Variants in NCBP3 observed in about 807,000 individuals in gnomAD.
NCBP3 encodes the protein nuclear cap binding subunit 3.
NCBP3 carries 20 observed loss-of-function variants against 75.7 expected under a neutral mutation model. The observed-to-expected ratio is 0.26, with a 90% CI of 0.19 to 0.38. The LOEUF (loss-of-function observed/expected upper bound fraction) is 0.38. NCBP3 is among the 10% of genes least tolerant of loss of function. The probability of loss-of-function intolerance (pLI) is 1.00; values close to 1 mark genes in which losing one functional copy is unlikely to be tolerated. For missense variants in NCBP3, 678 were observed against 796.9 expected (o/e 0.85, Z 1.80); for synonymous variants, 293 against 290.5 (o/e 1.01, Z -0.09).
At chr17:3,837,866 C>T (rs2054001962) in intron 3 of NCBP3, among the ~76,000 whole-genome samples, 1 of 152,056 alleles carries the variant, frequency 6.6e-6, no homozygotes, top group Admixed American at 6.5e-5. Flanking sequence ...GGCCATGCTG[C>T]CTCCTGGACA....
intron 7 of NCBP3, chr17:3,823,987 A>G (rs2053721945): frequency 6.6e-6 from 1 of 152,190 alleles, no homozygotes; most frequent in Non-Finnish European, 1.5e-5. Context: ...TAGTAAACCT[A>G]TATTCTTGGA....
rs1215732677 is a variant in NCBP3, at chr17:3,814,450, G to A, written c.1499C>T (p.Ser500Phe). The change falls in exon 12 of 13, where the codon TCT becomes TTT. Residue 500 changes from serine to phenylalanine, a missense_variant. Coordinates refer to ENST00000389005, the MANE Select transcript of NCBP3 (RefSeq NM_001114118.3). Reference protein sequence around the residue: ...IRQRLGKRPHSPEKAFSSNPV... With the variant: ...IRQRLGKRPHFPEKAFSSNPV... Reference sequence around the variant, plus strand: ...GTTACTACTAAAAGCCTTTTCCGGAGAATGTGGTCTTTTTCCTAACCGCTG... The same window carrying A: ...GTTACTACTAAAAGCCTTTTCCGGAAAATGTGGTCTTTTTCCTAACCGCTG... The A allele has an allele frequency of 1.9e-6, 3 of 1,614,232 alleles. No homozygotes were observed.
chr17:3,833,575 G>A (rs1459672286), intron 3 of NCBP3, among the ~76,000 whole-genome samples: 5 of 152,014 alleles, frequency 3.3e-5, no homozygotes, highest in Non-Finnish European at 5.9e-5. Context: ...GGGAGGCCGA[G>A]ATGAGAGGAT....
intron 12 of NCBP3, 55 bp downstream of exon 12, chr17:3,814,255 TCCAATACACCCA>T: frequency 1.3e-6 from 2 of 1,513,676 alleles, no homozygotes; most frequent in African/African-American, 2.8e-5. Flanking sequence ...AAAGTATTTC[TCCAATACACCCA>T]CTGTCCTCTG....
At chr17:3,813,663 T>C (rs111544956) in intron 12 of NCBP3, among the ~76,000 whole-genome samples, 166 of 152,366 alleles carry the variant, frequency 1.1e-3, no homozygotes, top group African/African-American at 3.6e-3. Flanking sequence ...ATTTTTGAAA[T>C]ATATTTTATG....
intron 2 of NCBP3, among the ~76,000 whole-genome samples, chr17:3,841,600 CTCT>C (rs1477368330): frequency 1.5e-5 from 2 of 137,840 alleles, no homozygotes; most frequent in Non-Finnish European, 3.1e-5. Context: ...CCAATTCTCT[CTCT>C]TTTTTTTTTT....
At chr17:3,834,130 G>A (rs997273450) in intron 3 of NCBP3, among the ~76,000 whole-genome samples, 5 of 152,140 alleles carry the variant, frequency 3.3e-5, no homozygotes, top group Non-Finnish European at 7.4e-5. Flanking sequence ...CGAATTTTAG[G>A]TGAGCACAAC....
At chr17:3,815,646 A>G (rs560972404) in intron 11 of NCBP3, among the ~76,000 whole-genome samples, 2 of 152,240 alleles carry the variant, frequency 1.3e-5, no homozygotes, top group South Asian at 4.1e-4. Context: ...ATACATGTGG[A>G]AAAAAAGTAA....
rs565860384 is a variant in NCBP3, at chr17:3,831,551, G to A, written c.356-2183C>T. Reference sequence around the variant, plus strand: ...TCGCGCCACTGCACTCCAGCCTAGCGACGGAGCAAGACTCTGTCTCAAAAA... The same window carrying A: ...TCGCGCCACTGCACTCCAGCCTAGCAACGGAGCAAGACTCTGTCTCAAAAA... On this transcript the variant is annotated intron_variant, in intron 3 of 12. Coordinates refer to ENST00000389005, the MANE Select transcript of NCBP3 (RefSeq NM_001114118.3). 3.0e-4 allele frequency among the ~76,000 whole-genome samples: 23 copies of A among 76,834 alleles called. 3 individuals carry two copies. The highest frequency in any genetic ancestry group is 3.8e-4 in the African/African-American group (13 of 34,480). The allele number at this position is 76,834 out of a possible 152,430, so 50.4% of individuals were successfully genotyped here. A position where few individuals can be genotyped will look rare whatever the true frequency, so the allele number is the denominator to read the frequency against.
At chr17:3,831,370 G>A (rs1271414684) in intron 3 of NCBP3, among the ~76,000 whole-genome samples, 2 of 151,440 alleles carry the variant, frequency 1.3e-5, no homozygotes, top group Admixed American at 6.6e-5. Context: ...TCAAGAGGTC[G>A]AGACCATCTG....
chr17:3,813,814 C>T (rs1193934787), intron 12 of NCBP3, among the ~76,000 whole-genome samples: 2 of 152,204 alleles, frequency 1.3e-5, no homozygotes, highest in East Asian at 3.9e-4. Context: ...CAGGCGCCCA[C>T]CACCACGCCC....
At chr17:3,832,399 C>G (rs1247843100) in intron 3 of NCBP3, among the ~76,000 whole-genome samples, 4 of 118,210 alleles carry the variant, frequency 3.4e-5, no homozygotes, top group Admixed American at 1.7e-4. Context: ...TTTGGGAGGC[C>G]GGGGCGGGCA....
chr17:3,826,331 T>A, intron 4 of NCBP3, 116 bp from the exon 5 acceptor site: 1 of 1,008,732 alleles, frequency 9.9e-7, no homozygotes, highest in Non-Finnish European at 1.4e-6. Context: ...TTATCATCAG[T>A]AAATATACAA....
Position 3,818,266 on chromosome 17 carries a change from A to G in NCBP3, c.1307T>C (p.Ile436Thr). The G allele has an allele frequency of 1.3e-6, 2 of 1,575,560 alleles. No homozygotes were observed. The highest frequency in any genetic ancestry group is 2.3e-5 in the South Asian group (2 of 85,610). Reference sequence around the variant, plus strand: ...CTTTGATAAAACAAATTTTTACCTAATATTTTTCAACTGAGATTCCACTTC... The same window carrying G: ...CTTTGATAAAACAAATTTTTACCTAGTATTTTTCAACTGAGATTCCACTTC... ...ADEVESQLKN[I>T]RNSMRADSVS... Residue 436 changes from isoleucine to threonine, a missense_variant, in exon 10 of 13, where the codon ATT (isoleucine) becomes ACT (threonine). By Grantham distance (89) the Ile-to-Thr change is moderately conservative. Transcript: ENST00000389005. This position sits in a 1 kb window ranked among gnomAD's most constrained non-coding sequence, Gnocchi z 4.7.
chr17:3,812,540 C>T lies in NCBP3; in HGVS notation c.*504G>A. ...CTGAGGTCAGGTCCGTGAGATTCGC[C>T]CCACACTAGGGTCCCGGAAGGGTGA... On this transcript the variant is annotated 3_prime_UTR_variant, in exon 13 of 13. Transcript: ENST00000389005. 1 of 1,002,170 alleles carries T rather than the reference C, an allele frequency of 1.0e-6. No homozygotes were observed. Among genetic ancestry groups the T allele is most frequent in the Non-Finnish European group, 1.2e-6 (1 of 839,786 alleles). 62.1% of individuals were successfully genotyped at this position (1,002,170 alleles called of 1,614,324 possible).
chr17:3,825,453 TAAC>T (rs2143671176), intron 6 of NCBP3, among the ~76,000 whole-genome samples: 1 of 152,370 alleles, frequency 6.6e-6, no homozygotes, highest in Admixed American at 6.5e-5. Flanking sequence ...TTAATATTTT[TAAC>T]AACAGTACAT....
At chr17:3,841,806 C>G (rs1196259726) in intron 2 of NCBP3, among the ~76,000 whole-genome samples, 1 of 135,628 alleles carries the variant, frequency 7.4e-6, no homozygotes, top group African/African-American at 2.7e-5. Flanking sequence ...GAACTCCAGC[C>G]TGGGTGACAG....
chr17:3,818,516 C>T lies in NCBP3; in HGVS notation c.1057G>A (p.Glu353Lys). ...TGGTCTTCTTCTTCCTCTTCCTCTT[C>T]CTCCTCCTCCTCCTCTTCCTCCTCT... ...IEEEEEEEEE[E>K]EEEEEEDQDM... is the part of the protein sequence containing the mutation. The change falls in exon 10 of 13, where the codon GAA becomes AAA. Residue 353 changes from glutamate (E) to lysine (K), a missense_variant. Glu to Lys is a moderately conservative substitution (Grantham distance 56, BLOSUM62 1). This residue lies in a region of NCBP3 where 365 missense variants were observed against 392.7 expected (regional missense o/e 0.93). Transcript: ENST00000389005. This position sits in a 1 kb window ranked among gnomAD's most constrained non-coding sequence, Gnocchi z 4.7. The T allele has an allele frequency of 6.3e-7, 1 of 1,576,106 alleles. No individual in the cohort carries two copies. The highest frequency in any genetic ancestry group is 8.7e-7 in the Non-Finnish European group (1 of 1,153,808).
intron 3 of NCBP3, among the ~76,000 whole-genome samples, chr17:3,830,749 G>A (rs1162470937): frequency 4.0e-5 from 6 of 151,850 alleles, no homozygotes; most frequent in African/African-American, 7.3e-5. Flanking sequence ...CACCACACCC[G>A]GCTAATTTTG....
Sources: allele counts gnomAD v4.1 joint callset (sites outside exome capture counted in the v4.1 genomes callset), GRCh38; gene constraint gnomAD v4.1.1; regional missense constraint gnomAD v4.1.1; non-coding constraint Gnocchi (gnomAD v3.1); transcripts MANE v1.5; gene names NCBI Gene and HGNC (gene_info 2026-07-23, HGNC 2026-07-21).